KALRN: variants seen among roughly 807,000 people sequenced by gnomAD.
The protein encoded by KALRN is kalirin RhoGEF kinase.
A neutral mutation model predicts 353.7 loss-of-function variants in KALRN; 70 were observed. The ratio of observed to expected loss-of-function variants is 0.20; its 90% confidence interval spans 0.16 to 0.24. The LOEUF (loss-of-function observed/expected upper bound fraction) is 0.24. Ranked by LOEUF, KALRN falls within the 10% of genes least tolerant of loss-of-function variation. The pLI, the probability that KALRN is intolerant of heterozygous loss-of-function variation, is 1.00. For missense variants in KALRN, 2,791 were observed against 3,756.7 expected (o/e 0.74, Z 6.72); for synonymous variants, 1,391 against 1,434.8 (o/e 0.97, Z 0.69).
chr3:124,636,965 A>G (rs563041644), intron 36 of KALRN: 5 of 472,602 alleles, frequency 1.1e-5, no homozygotes, highest in Admixed American at 6.6e-5. Flanking sequence ...CCCCTCCTTC[A>G]TAGGCTTGCC....
At chr3:124,084,191 A>T (rs1224471281) in intron 1 of KALRN, among the ~76,000 whole-genome samples, 1 of 152,240 alleles carries the variant, frequency 6.6e-6, no homozygotes, top group Non-Finnish European at 1.5e-5. Flanking sequence ...TTGATTGCCA[A>T]CTTGGCCCCG....
chr3:124,403,658 G>A (rs2091152209), intron 13 of KALRN, among the ~76,000 whole-genome samples: 1 of 152,074 alleles, frequency 6.6e-6, no homozygotes, highest in South Asian at 2.1e-4. Flanking sequence ...ACTTACTGGT[G>A]GTCTCAACTC....
chr3:124,694,228 T>C, intron 52 of KALRN, 104 bp from the exon 53 acceptor site: 1 of 1,116,684 alleles, frequency 9.0e-7, no homozygotes, highest in South Asian at 1.4e-5. Flanking sequence ...ATTTGAATCA[T>C]TACATGACAT....
At chr3:124,662,009 G>A (rs943875320) in intron 45 of KALRN, 81 bp downstream of exon 45, 13 of 1,135,116 alleles carry the variant, frequency 1.1e-5, no homozygotes, top group East Asian at 9.4e-5. Context: ...TCCCCCTGAA[G>A]CCTTGTGTCC....
At chr3:124,129,689 C>T (rs1462244955) in intron 1 of KALRN, among the ~76,000 whole-genome samples, 1 of 152,182 alleles carries the variant, frequency 6.6e-6, no homozygotes, top group African/African-American at 2.4e-5. Flanking sequence ...ATAATCACGT[C>T]GCCTTCAATC....
intron 34 of KALRN, among the ~76,000 whole-genome samples, chr3:124,623,380 A>G (rs1466507325): frequency 1.4e-5 from 2 of 140,992 alleles, no homozygotes; most frequent in Non-Finnish European, 3.0e-5. Context: ...GGAGATATAT[A>G]TATATATATA....
chr3:124,442,349 T>C (rs1353715345), intron 19 of KALRN, among the ~76,000 whole-genome samples: 1 of 152,240 alleles, frequency 6.6e-6, no homozygotes, highest in African/African-American at 2.4e-5. Flanking sequence ...AAATTGCCTG[T>C]ATCTACGCTG....
At chr3:124,360,498 CAA>C (rs1232507122) in intron 10 of KALRN, among the ~76,000 whole-genome samples, 3 of 152,154 alleles carry the variant, frequency 2.0e-5, no homozygotes, top group Non-Finnish European at 2.9e-5. Context: ...TGGAATCACT[CAA>C]GTTTCACAAA....
chr3:124,192,439 G>A (rs2075022662), intron 1 of KALRN, among the ~76,000 whole-genome samples: 1 of 152,154 alleles, frequency 6.6e-6, no homozygotes, highest in Non-Finnish European at 1.5e-5. Context: ...CAAAAAATTA[G>A]AATGAATAAC....
At chr3:124,270,835 T>G (rs963937900) in intron 5 of KALRN, among the ~76,000 whole-genome samples, 19 of 145,608 alleles carry the variant, frequency 1.3e-4, no homozygotes, top group African/African-American at 3.8e-4. Flanking sequence ...TTTTTTTTTT[T>G]TTTTTTTTTT....
chr3:124,416,734 G>A (rs923623733), intron 14 of KALRN, among the ~76,000 whole-genome samples: 1 of 152,262 alleles, frequency 6.6e-6, no homozygotes, highest in South Asian at 2.1e-4. Context: ...CCCAATGGCT[G>A]AGGAATGTAA....
chr3:124,100,286 T>C (rs2061758758), intron 1 of KALRN: 2 of 152,226 alleles, frequency 1.3e-5, no homozygotes, highest in South Asian at 4.1e-4. Context: ...ATCAGTCCCA[T>C]GTTGGATTAA....
chr3:124,152,251 T>G (rs2068212711), intron 1 of KALRN: 11 of 1,546,252 alleles, frequency 7.1e-6, no homozygotes, highest in Non-Finnish European at 9.7e-6. Flanking sequence ...ATTTACTGAC[T>G]TCAGATTTGG....
intron 29 of KALRN, 91 bp from the exon 30 acceptor site, chr3:124,490,603 A>T: frequency 8.3e-7 from 1 of 1,202,274 alleles, no homozygotes; most frequent in Non-Finnish European, 1.2e-6. Context: ...ACTAACAATA[A>T]GAGAGGCCTT....
chr3:124,252,006 C>T (rs1377290671), intron 3 of KALRN, among the ~76,000 whole-genome samples: 1 of 152,150 alleles, frequency 6.6e-6, no homozygotes, highest in African/African-American at 2.4e-5. Flanking sequence ...AAACTATCAA[C>T]CTTCCTCATT....
chr3:124,326,224 G>C, intron 7 of KALRN, 53 bp downstream of exon 7: 2 of 1,503,232 alleles, frequency 1.3e-6, no homozygotes, highest in African/African-American at 1.4e-5. Flanking sequence ...GTTGGGCATG[G>C]GCAGGGGAGG....
intron 45 of KALRN, among the ~76,000 whole-genome samples, chr3:124,664,352 T>C (rs2085279950): frequency 1.7e-5 from 2 of 118,564 alleles, no homozygotes; most frequent in Non-Finnish European, 3.4e-5. Flanking sequence ...TGTGTGTGTG[T>C]GTGTGTGTGT....
At chr3:124,356,356 A>G (rs2083414310) in intron 10 of KALRN, among the ~76,000 whole-genome samples, 1 of 131,762 alleles carries the variant, frequency 7.6e-6, no homozygotes, top group Admixed American at 8.1e-5. Context: ...TTTTTGAGAC[A>G]GAGTTTCTCT....
intron 1 of KALRN, chr3:124,094,741 G>T: frequency 9.9e-7 from 1 of 1,008,390 alleles, no homozygotes. Flanking sequence ...GGCTGTGTGC[G>T]AGCCCAGCGT....
Sources: gnomAD v4.1 joint callset for allele counts (sites outside exome capture counted in the v4.1 genomes callset) on GRCh38, gnomAD v4.1.1 for gene constraint, MANE v1.5 for transcripts, NCBI Gene and HGNC (gene_info 2026-07-23, HGNC 2026-07-21) for gene names.